The following MBNL3 variants were observed in gnomAD, a reference collection of about 807,000 sequenced individuals.
The protein encoded by MBNL3 is muscleblind like splicing regulator 3.
Under a neutral mutation model 24.5 loss-of-function variants are expected in MBNL3, and 6 were observed. The ratio of observed to expected loss-of-function variants is 0.25; its 90% CI spans 0.13 to 0.48. The LOEUF (loss-of-function observed/expected upper bound fraction) is 0.48. Ranked by LOEUF, MBNL3 falls within the 20% of genes least tolerant of loss-of-function variation. The pLI is 0.99. For synonymous variants in MBNL3, 100 were observed against 101.7 expected, an observed-to-expected ratio of 0.98 and a Z score of 0.10; for missense variants, 230 against 293.5, an observed-to-expected ratio of 0.78 and a Z score of 1.58.
chrX:132,415,468 ATG>A (rs1003860591), intron 2 of MBNL3, among the ~76,000 whole-genome samples: 3 of 112,082 alleles, frequency 2.7e-5, no homozygotes, highest in East Asian at 5.6e-4. Flanking sequence ...TTAAATAATT[ATG>A]TCTTTATAAC....
At chrX:132,455,275 A>G (rs916880156) in intron 1 of MBNL3, among the ~76,000 whole-genome samples, 1 of 111,912 alleles carries the variant, frequency 8.9e-6, no homozygotes, top group African/African-American at 3.2e-5. Context: ...CACCTTACCC[A>G]CATAATCTAA....
chrX:132,418,688 G>A (rs1395606043), intron 2 of MBNL3, among the ~76,000 whole-genome samples: 2 of 112,534 alleles, frequency 1.8e-5, no homozygotes, highest in Non-Finnish European at 3.8e-5. Context: ...AAAACCCAGG[G>A]ATTTTGGATG....
intron 3 of MBNL3, among the ~76,000 whole-genome samples, chrX:132,396,370 T>C (rs1448395846): frequency 1.1e-5 from 1 of 87,085 alleles, no homozygotes; most frequent in Non-Finnish European, 2.2e-5. Context: ...CTATATATAT[T>C]CATATATATT....
At position 132,390,840 on chromosome X, in the gene MBNL3, T is replaced by C; in HGVS notation, c.771+7A>G. 8.3e-7 allele frequency: 1 copy of C among 1,203,510 alleles called. No individual in the cohort carries two copies. Among genetic ancestry groups the C allele is most frequent in the African/African-American group, 1.7e-5 (1 of 57,616 alleles). ...GAAACAGGCCACAAGTGCAGGCCTT[T>C]TCTTACCATGGCAGAGGCAGCTGAA... On this transcript the variant is annotated splice_region_variant and intron_variant, in intron 5 of 8. Transcript: ENST00000370853.
intron 1 of MBNL3, among the ~76,000 whole-genome samples, chrX:132,481,950 T>C (rs963961158): frequency 1.8e-5 from 2 of 111,994 alleles, no homozygotes; most frequent in Non-Finnish European, 3.8e-5. Flanking sequence ...CTGGAGGACA[T>C]TGTGTTACAT....
intron 2 of MBNL3, among the ~76,000 whole-genome samples, chrX:132,421,257 A>T (rs1943789669): frequency 8.9e-6 from 1 of 112,165 alleles, no homozygotes; most frequent in Non-Finnish European, 1.9e-5. Flanking sequence ...GAACTAAAAT[A>T]TTTCCCGAGA....
At position 132,371,327 on chromosome X, in the gene MBNL3, A is replaced by C; in HGVS notation, c.*8339T>G. On this transcript the variant is annotated 3_prime_UTR_variant, in exon 9 of 9. Transcript: ENST00000370853. ...TTCACCGCAGTTTTCTATCAGCCCA[A>C]CTCCAGAACAGTGGTCAATGCAGAG... 1 of 111,876 alleles carries C rather than the reference A, an allele frequency of 8.9e-6. No individual in the cohort carries two copies. Among genetic ancestry groups the C allele is most frequent in the Non-Finnish European group, 1.9e-5 (1 of 53,112 alleles). 9.2% of individuals were successfully genotyped at this position (111,876 alleles called of 1,213,427 possible).
At chrX:132,410,164 A>G (rs958079744) in intron 2 of MBNL3, among the ~76,000 whole-genome samples, 3 of 112,030 alleles carry the variant, frequency 2.7e-5, no homozygotes, top group Admixed American at 9.5e-5. Flanking sequence ...AATTCAATCT[A>G]TTGCCTTCTT....
Position 132,382,186 on chromosome X carries a change from C to T in MBNL3, c.1045G>A (p.Gly349Ser). The change falls in exon 8 of 9, where the codon GGC becomes AGC. Residue 349 changes from glycine (G) to serine (S), a missense_variant. By Grantham distance (56) the Gly-to-Ser change is moderately conservative. Transcript: ENST00000370853. ...TSVPFAAPTT[G>S]NQLKF is the part of the protein sequence containing the mutation. ...TAAATAAATGGCCAAACCTGATTGC[C>T]TGTAGTTGGTGCAGCGAACGGAACG... 1 of 1,210,272 alleles carries T rather than the reference C, an allele frequency of 8.3e-7. No homozygotes were observed. The highest frequency in any genetic ancestry group is 1.1e-6 in the Non-Finnish European group (1 of 894,476).
At chrX:132,421,616 T>G (rs1462179586) in intron 2 of MBNL3, among the ~76,000 whole-genome samples, 1 of 111,972 alleles carries the variant, frequency 8.9e-6, no homozygotes, top group African/African-American at 3.2e-5. Flanking sequence ...CAGTGCCCAC[T>G]TAGGAGACTA....
At chrX:132,394,654 A>G (rs973571215) in intron 3 of MBNL3, among the ~76,000 whole-genome samples, 4 of 112,503 alleles carry the variant, frequency 3.6e-5, no homozygotes, top group African/African-American at 1.3e-4. Context: ...TGAATTTTCC[A>G]GATTAAAAAG....
chrX:132,443,364 G>T (rs1259834429), intron 1 of MBNL3, among the ~76,000 whole-genome samples: 1 of 111,979 alleles, frequency 8.9e-6, no homozygotes, highest in Non-Finnish European at 1.9e-5. Context: ...AAATGTCATA[G>T]ATAGCATTGC....
chrX:132,464,226 C>A (rs945815374), intron 1 of MBNL3, among the ~76,000 whole-genome samples: 2 of 112,272 alleles, frequency 1.8e-5, no homozygotes, highest in African/African-American at 6.5e-5. Flanking sequence ...TCTCTCATTA[C>A]TAAAGAACGT....
At chrX:132,417,910 C>T (rs761735939) in intron 2 of MBNL3, among the ~76,000 whole-genome samples, 39 of 111,959 alleles carry the variant, frequency 3.5e-4, no homozygotes, top group African/African-American at 1.2e-3. Flanking sequence ...CTTTTACACT[C>T]ATTTTTCTAC....
chrX:132,463,150 A>G (rs1201190365), intron 1 of MBNL3, among the ~76,000 whole-genome samples: 1 of 112,801 alleles, frequency 8.9e-6, no homozygotes, highest in African/African-American at 3.2e-5. Context: ...ATCTGACTAT[A>G]CTTGGAAGCT....
chrX:132,380,783 A>T (rs758094107), intron 8 of MBNL3, among the ~76,000 whole-genome samples: 9 of 110,918 alleles, frequency 8.1e-5, no homozygotes, highest in Non-Finnish European at 1.7e-4. Flanking sequence ...TGATTGCTTA[A>T]AAAAGTGTGT....
intron 6 of MBNL3, among the ~76,000 whole-genome samples, chrX:132,385,889 CAAA>C (rs58477339): frequency 6.6e-5 from 6 of 90,664 alleles, no homozygotes; most frequent in Admixed American, 1.2e-4. Context: ...ACCATTGTGT[CAAA>C]AAAAAAAAAA....
intron 3 of MBNL3, among the ~76,000 whole-genome samples, chrX:132,396,847 C>CATATATATTCATATATATATTCAT (rs1233393346): frequency 6.0e-5 from 1 of 16,536 alleles, no homozygotes; most frequent in African/African-American, 4.8e-4. Flanking sequence ...TTCATATATA[C>CATATATATTCATATATATATTCAT]ATATATATTC....
At chrX:132,451,841 C>T (rs1263475267) in intron 1 of MBNL3, among the ~76,000 whole-genome samples, 1 of 111,700 alleles carries the variant, frequency 9.0e-6, no homozygotes, top group African/African-American at 3.3e-5. Context: ...TTGCAAAGAC[C>T]GTGGAAAAAG....
Sources: gnomAD v4.1 joint callset for allele counts (sites outside exome capture counted in the v4.1 genomes callset) on GRCh38, gnomAD v4.1.1 for gene constraint, MANE v1.5 for transcripts, NCBI Gene and HGNC (gene_info 2026-07-23, HGNC 2026-07-21) for gene names.